SNX29: variants seen among roughly 807,000 people sequenced by gnomAD.
The protein encoded by SNX29 is sorting nexin-29.
In SNX29, 78 loss-of-function variants were observed where a neutral mutation model predicts 102.1. The ratio of observed to expected loss-of-function variants is 0.76; its 90% CI spans 0.64 to 0.92. The LOEUF (loss-of-function observed/expected upper bound fraction) is 0.92, where lower values mean the gene tolerates loss of function less well. Among genes scored for constraint, SNX29 ranks in the 40% least tolerant of loss-of-function variants. SNX29 has a pLI of 0.00. For missense variants in SNX29, 1,280 were observed against 1,061.7 expected (o/e 1.21, Z -2.86); for synonymous variants, 580 against 414.5 (o/e 1.40, Z -4.85).
intron 3 of SNX29, among the ~76,000 whole-genome samples, chr16:12,019,695 G>T (rs2056963130): frequency 6.6e-6 from 1 of 151,114 alleles, no homozygotes; most frequent in African/African-American, 2.4e-5. Context: ...GAGTGCAGTG[G>T]CGTGATCTTG....
chr16:12,311,454 C>T (rs2080543209), intron 15 of SNX29, among the ~76,000 whole-genome samples: 2 of 152,252 alleles, frequency 1.3e-5, no homozygotes, highest in South Asian at 2.1e-4. Context: ...TTTCCTGGCT[C>T]CTGGCTTCCT....
chr16:11,999,676 C>T (rs958123896), intron 2 of SNX29, among the ~76,000 whole-genome samples: 3 of 152,034 alleles, frequency 2.0e-5, no homozygotes, highest in Non-Finnish European at 2.9e-5. Flanking sequence ...TCAAGGTGAC[C>T]GGATCACTTG....
chr16:11,979,511 C>G (rs546334305), intron 1 of SNX29, among the ~76,000 whole-genome samples: 1 of 151,992 alleles, frequency 6.6e-6, no homozygotes, highest in African/African-American at 2.4e-5. Flanking sequence ...AACTGGTACA[C>G]GATAAAATAA....
At chr16:12,439,134 G>A (rs894845048) in intron 18 of SNX29, among the ~76,000 whole-genome samples, 1 of 152,224 alleles carries the variant, frequency 6.6e-6, no homozygotes, top group African/African-American at 2.4e-5. Flanking sequence ...CCCTCCACCT[G>A]CTCTTGTCCT....
At chr16:12,338,971 A>T (rs2081533093) in intron 15 of SNX29, among the ~76,000 whole-genome samples, 1 of 150,988 alleles carries the variant, frequency 6.6e-6, no homozygotes, top group Non-Finnish European at 1.5e-5. Context: ...ATGGAGGGAG[A>T]GGTTAAACTT....
intron 14 of SNX29, among the ~76,000 whole-genome samples, chr16:12,227,327 A>G (rs922549454): frequency 2.6e-5 from 4 of 151,992 alleles, no homozygotes; most frequent in African/African-American, 4.8e-5. Context: ...CCTTCCCCCA[A>G]CCCAAATGAT....
Position 12,573,627 on chromosome 16 carries a change from G to A in SNX29, c.*4998G>A. On this transcript the variant is annotated 3_prime_UTR_variant, in exon 21 of 21. Coordinates refer to ENST00000566228, the MANE Select transcript of SNX29 (RefSeq NM_032167.5). Reference sequence around the variant, plus strand: ...TCTCAGCTCTGCCGCTGGTCTCCATGAACGGCAAGGGGAACCACCACTCAT... The same window carrying A: ...TCTCAGCTCTGCCGCTGGTCTCCATAAACGGCAAGGGGAACCACCACTCAT... The A allele has an allele frequency of 4.5e-6, 1 of 221,676 alleles. No homozygotes were observed. Among genetic ancestry groups the A allele is most frequent in the African/African-American group, 2.2e-5 (1 of 44,822 alleles). 13.7% of individuals were successfully genotyped at this position (221,676 alleles called of 1,614,324 possible).
intron 18 of SNX29, among the ~76,000 whole-genome samples, chr16:12,424,663 T>C (rs2084987955): frequency 6.6e-6 from 1 of 152,208 alleles, no homozygotes; most frequent in African/African-American, 2.4e-5. Flanking sequence ...GGAATCAGGC[T>C]ATTATTTATT....
chr16:12,003,686 C>T (rs1346765457), intron 3 of SNX29, among the ~76,000 whole-genome samples: 1 of 152,114 alleles, frequency 6.6e-6, no homozygotes, highest in Non-Finnish European at 1.5e-5. Flanking sequence ...TTATTGTGAT[C>T]ATTTGTTCCT....
intron 13 of SNX29, among the ~76,000 whole-genome samples, chr16:12,191,967 CTT>C (rs1316774547): frequency 2.0e-5 from 3 of 152,132 alleles, no homozygotes; most frequent in Non-Finnish European, 4.4e-5. Flanking sequence ...TCGAGCTGTG[CTT>C]TTTTACATCT....
At chr16:12,284,180 G>T (rs933418308) in intron 15 of SNX29, among the ~76,000 whole-genome samples, 1 of 152,226 alleles carries the variant, frequency 6.6e-6, no homozygotes. Context: ...GCATCACTTT[G>T]TCGCTGCCTT....
At chr16:12,522,311 A>T (rs1003457648) in intron 19 of SNX29, among the ~76,000 whole-genome samples, 8 of 150,726 alleles carry the variant, frequency 5.3e-5, no homozygotes, top group African/African-American at 1.7e-4. Context: ...TCATTCGCTC[A>T]GTCTGCCAGC....
At chr16:12,123,541 T>C (rs1173763192) in intron 11 of SNX29, among the ~76,000 whole-genome samples, 4 of 152,172 alleles carry the variant, frequency 2.6e-5, no homozygotes, top group Non-Finnish European at 5.9e-5. Context: ...ATCATATACA[T>C]ATACATCTAT....
At chr16:12,393,524 GCT>G (rs1430848078) in intron 16 of SNX29, among the ~76,000 whole-genome samples, 2 of 150,850 alleles carry the variant, frequency 1.3e-5, no homozygotes, top group Non-Finnish European at 2.9e-5. Flanking sequence ...CACATATAGA[GCT>G]CTCTGAGCTC....
intron 13 of SNX29, among the ~76,000 whole-genome samples, chr16:12,141,207 A>G (rs1361341492): frequency 6.6e-6 from 1 of 152,242 alleles, no homozygotes; most frequent in Non-Finnish European, 1.5e-5. Flanking sequence ...ATTCCTTTCT[A>G]GGCTCAGATT....
intron 14 of SNX29, among the ~76,000 whole-genome samples, chr16:12,263,632 T>G (rs559414979): frequency 6.6e-6 from 1 of 152,206 alleles, no homozygotes; most frequent in Admixed American, 6.5e-5. Flanking sequence ...ATATGTTACT[T>G]ATATAATTTG....
At chr16:12,518,827 G>A (rs1359642860) in intron 19 of SNX29, among the ~76,000 whole-genome samples, 1 of 152,168 alleles carries the variant, frequency 6.6e-6, no homozygotes, top group Non-Finnish European at 1.5e-5. Flanking sequence ...AGAGATTGCA[G>A]GGGATTTCGC....
chr16:12,563,464 G>T (rs9930484), intron 20 of SNX29, among the ~76,000 whole-genome samples: 1 of 152,074 alleles, frequency 6.6e-6, no homozygotes, highest in African/African-American at 2.4e-5. Context: ...AAACCTAATA[G>T]GGTAAAAGGC....
rs201437024 is a variant in SNX29 at position 12,562,383 on chromosome 16, C to G, written c.2319-6123C>G. On this transcript the variant is annotated intron_variant, in intron 20 of 20. Coordinates refer to ENST00000566228, the MANE Select transcript of SNX29 (RefSeq NM_032167.5). ...TTGCTTGCACCATTTTTTAAAACAG[C>G]TCAAGAGACAGATCACATACCATAC... 1.3e-4 allele frequency among the ~76,000 whole-genome samples: 11 copies of G among 84,550 alleles called. No individual in the cohort carries two copies. The East Asian group carries it at 5.1e-3, about 39-fold the overall frequency. The allele number at this position is 84,550 out of a possible 152,430, so 55.5% of individuals were successfully genotyped here.
Sources: gnomAD v4.1 joint callset for allele counts (sites outside exome capture counted in the v4.1 genomes callset) on GRCh38, gnomAD v4.1.1 for gene constraint, MANE v1.5 for transcripts, NCBI Gene and HGNC (gene_info 2026-07-23, HGNC 2026-07-21) for gene names.